The following TTC29 variants were observed in gnomAD, a reference collection of about 807,000 sequenced individuals.
The protein encoded by TTC29 is tetratricopeptide repeat protein 29.
A neutral mutation model predicts 58.1 loss-of-function variants in TTC29; 49 were observed. That is an observed-to-expected ratio of 0.84 (90% CI 0.67 to 1.07). TTC29 has a LOEUF of 1.07. Ranked by LOEUF, TTC29 falls within the 50% of genes least tolerant of loss-of-function variation. The pLI, the probability that TTC29 is intolerant of heterozygous loss-of-function variation, is 0.00. For synonymous variants in TTC29, 209 were observed against 196.8 expected, an observed-to-expected ratio of 1.06 and a Z score of -0.52; for missense variants, 582 against 555.6, an observed-to-expected ratio of 1.05 and a Z score of -0.48.
chr4:146,783,635 T>TCAA (rs1748784814), intron 11 of TTC29, among the ~76,000 whole-genome samples: 1 of 152,020 alleles, frequency 6.6e-6, no homozygotes, highest in Admixed American at 6.6e-5. Flanking sequence ...AAGTAATGTT[T>TCAA]CAACAGTTCA....
chr4:146,838,506 C>T (rs960638548), intron 8 of TTC29, among the ~76,000 whole-genome samples: 1 of 151,310 alleles, frequency 6.6e-6, no homozygotes, highest in African/African-American at 2.4e-5. Flanking sequence ...TGTGCCTGAG[C>T]TTTGACATTT....
chr4:146,826,183 T>C (rs755538672), intron 9 of TTC29, among the ~76,000 whole-genome samples: 6 of 152,212 alleles, frequency 3.9e-5, no homozygotes, highest in Non-Finnish European at 7.3e-5. Context: ...GCACACTAGT[T>C]AATGCAGTTT....
intron 6 of TTC29, among the ~76,000 whole-genome samples, chr4:146,892,127 C>T (rs1393656416): frequency 2.6e-5 from 4 of 152,108 alleles, no homozygotes; most frequent in Non-Finnish European, 4.4e-5. Flanking sequence ...AGACTTCCCC[C>T]TTGCTGTTCT....
chr4:146,877,231 A>G (rs1017578632), intron 6 of TTC29, among the ~76,000 whole-genome samples: 5 of 152,108 alleles, frequency 3.3e-5, no homozygotes, highest in Non-Finnish European at 7.4e-5. Flanking sequence ...AGGTAGGATT[A>G]TGGGTAACTT....
chr4:146,831,421 AGTTT>A (rs1728152340), intron 9 of TTC29, among the ~76,000 whole-genome samples: 1 of 152,168 alleles, frequency 6.6e-6, no homozygotes, highest in Non-Finnish European at 1.5e-5. Context: ...AAAAAGAATT[AGTTT>A]ACTTGGCATA....
chr4:146,837,555 T>TA (rs2150163640), intron 8 of TTC29, among the ~76,000 whole-genome samples: 1 of 152,224 alleles, frequency 6.6e-6, no homozygotes, highest in South Asian at 2.1e-4. Context: ...TTTATCTGCT[T>TA]AAAGCAGGTA....
At chr4:146,917,350 T>A (rs1734289892) in intron 4 of TTC29, among the ~76,000 whole-genome samples, 1 of 144,744 alleles carries the variant, frequency 6.9e-6, no homozygotes, top group African/African-American at 2.6e-5. Flanking sequence ...ATATTTTAAT[T>A]AAAAAGCTCT....
intron 4 of TTC29, among the ~76,000 whole-genome samples, chr4:146,925,355 TTAA>T (rs1393688983): frequency 5.9e-5 from 9 of 152,120 alleles, no homozygotes; most frequent in African/African-American, 2.2e-4. Flanking sequence ...CAGTTTTGGT[TTAA>T]TGTTTTTTTG....
At chr4:146,741,482 T>C (rs1434992188) in intron 11 of TTC29, among the ~76,000 whole-genome samples, 1 of 151,772 alleles carries the variant, frequency 6.6e-6, no homozygotes, top group African/African-American at 2.4e-5. Flanking sequence ...TCTTAAAAAA[T>C]TGTTCTTTTT....
intron 7 of TTC29, among the ~76,000 whole-genome samples, chr4:146,869,116 A>AAC (rs1730763946): frequency 6.7e-6 from 1 of 150,250 alleles, no homozygotes; most frequent in Non-Finnish European, 1.5e-5. Flanking sequence ...AAAAAAAAAA[A>AAC]AAACCTCTTT....
At chr4:146,752,226 A>G (rs1746058975) in intron 11 of TTC29, among the ~76,000 whole-genome samples, 1 of 151,564 alleles carries the variant, frequency 6.6e-6, no homozygotes, top group African/African-American at 2.4e-5. Context: ...AAGTCTCAGG[A>G]TACAAAATCA....
chr4:146,775,937 G>T (rs543623173), intron 11 of TTC29, among the ~76,000 whole-genome samples: 1 of 152,134 alleles, frequency 6.6e-6, no homozygotes, highest in South Asian at 2.1e-4. Flanking sequence ...TTCTCAAATG[G>T]TCTCTTTCCA....
intron 10 of TTC29, 34 bp downstream of exon 10, chr4:146,820,091 A>T (rs773324020): frequency 4.4e-6 from 7 of 1,608,030 alleles, no homozygotes; most frequent in Middle Eastern, 1.7e-4. Flanking sequence ...AAACACCGCA[A>T]ATTTCTCTAT....
At chr4:146,719,045 C>A (rs1363943342) in intron 11 of TTC29, among the ~76,000 whole-genome samples, 1 of 152,088 alleles carries the variant, frequency 6.6e-6, no homozygotes, top group African/African-American at 2.4e-5. Context: ...TATGGGTTCT[C>A]TATTCTGTTC....
intron 11 of TTC29, among the ~76,000 whole-genome samples, chr4:146,734,724 G>A (rs771769041): frequency 2.6e-5 from 4 of 152,104 alleles, no homozygotes; most frequent in Non-Finnish European, 5.9e-5. Flanking sequence ...CTATGTTGAT[G>A]ATTGCTGTGG....
At chr4:146,794,574 ATTGATC>A (rs1749699569) in intron 11 of TTC29, among the ~76,000 whole-genome samples, 1 of 151,930 alleles carries the variant, frequency 6.6e-6, no homozygotes, top group Admixed American at 6.6e-5. Flanking sequence ...TTCTTTTCCT[ATTGATC>A]TTGAAGCTTC....
At chr4:146,925,935 T>C (rs957666096) in intron 4 of TTC29, among the ~76,000 whole-genome samples, 1 of 152,192 alleles carries the variant, frequency 6.6e-6, no homozygotes, top group Non-Finnish European at 1.5e-5. Flanking sequence ...TCTACTGCAT[T>C]GCTTCTGCTT....
At chr4:146,818,989 C>T (rs1240992683) in intron 10 of TTC29, among the ~76,000 whole-genome samples, 7 of 151,654 alleles carry the variant, frequency 4.6e-5, no homozygotes, top group East Asian at 1.9e-4. Flanking sequence ...TGCTAAATGA[C>T]GAGTTACCTA....
At chr4:146,891,002 G>A (rs1732321476) in intron 6 of TTC29, among the ~76,000 whole-genome samples, 1 of 152,014 alleles carries the variant, frequency 6.6e-6, no homozygotes, top group Non-Finnish European at 1.5e-5. Flanking sequence ...TCACAAATAT[G>A]GAGTACATAG....
Sources: gnomAD v4.1 joint callset for allele counts (sites outside exome capture counted in the v4.1 genomes callset) on GRCh38, gnomAD v4.1.1 for gene constraint, MANE v1.5 for transcripts, NCBI Gene and HGNC (gene_info 2026-07-23, HGNC 2026-07-21) for gene names.